Variants in DTWD1 observed in about 807,000 individuals in gnomAD.
DTWD1 encodes tRNA-uridine aminocarboxypropyltransferase 1.
In DTWD1, 27 loss-of-function variants were observed where a neutral mutation model predicts 30.2. That is an observed-to-expected ratio of 0.90 (90% CI 0.66 to 1.23). The LOEUF (loss-of-function observed/expected upper bound fraction) is 1.23, where lower values mean the gene tolerates loss of function less well. DTWD1 is among the 50% of genes most tolerant of loss of function. DTWD1 has a pLI of 0.00. For missense variants in DTWD1, 342 were observed against 348.8 expected, an observed-to-expected ratio of 0.98 and a Z score of 0.15; for synonymous variants, 99 against 113.1, an observed-to-expected ratio of 0.88 and a Z score of 0.79.
chr15:49,641,496 ATAT>A (rs112232880), intron 4 of DTWD1, among the ~76,000 whole-genome samples: 1,665 of 152,034 alleles, frequency 0.011, 31 homozygotes, highest in African/African-American at 0.039. Flanking sequence ...TACAAATTAG[ATAT>A]TATTATTGTT....
At chr15:49,634,921 TTC>T (rs900624265) in intron 4 of DTWD1, 127 bp downstream of exon 4, 14 of 839,250 alleles carry the variant, frequency 1.7e-5, no homozygotes, top group Admixed American at 1.2e-4. Context: ...TTTACTTTAT[TTC>T]TCTCTTTTTA....
In DTWD1 at chr15:49,653,649, A is replaced by C. The variant is rs1397876039; in HGVS notation, c.*10071A>C. 6.6e-6 allele frequency: 1 copy of C among 152,160 alleles called. No homozygotes were observed. Among genetic ancestry groups the C allele is most frequent in the Admixed American group, 6.6e-5 (1 of 15,258 alleles). The allele number at this position is 152,160 out of a possible 1,614,324, so 9.4% of individuals were successfully genotyped here. On this transcript the variant is annotated 3_prime_UTR_variant, in exon 5 of 5. Coordinates refer to ENST00000403028, the MANE Select transcript of DTWD1 (RefSeq NM_001144955.2). ...TGAGTTATGCATTGACAGAATGCTT[A>C]GCAATAATTTTGCTTGTCTTAATGT...
intron 3 of DTWD1, chr15:49,633,701 G>T (rs1467820665): frequency 4.7e-6 from 1 of 211,074 alleles, no homozygotes; most frequent in Non-Finnish European, 9.8e-6. Context: ...TTAAAAATTT[G>T]TGTGCTCATT....
intron 4 of DTWD1, among the ~76,000 whole-genome samples, chr15:49,640,116 T>C (rs2079049093): frequency 6.6e-6 from 1 of 152,170 alleles, no homozygotes; most frequent in South Asian, 2.1e-4. Flanking sequence ...CCCCTGACAG[T>C]TATTTTCCTG....
At position 49,643,361 on chromosome 15, in the gene DTWD1, A is replaced by C; in HGVS notation, c.698A>C (p.Lys233Thr). ...GLLQVELKTR[K>T]TCFWRHQKGK... ...TTACAAGTTGAGTTGAAAACAAGAA[A>C]AACTTGCTTTTGGCGCCATCAAAAA... Residue 233 changes from lysine to threonine, a missense_variant, in exon 5 of 5, where the codon AAA (lysine) becomes ACA (threonine). Physicochemically the swap from Lys to Thr is moderately conservative, Grantham distance 78. Coordinates refer to ENST00000403028, the MANE Select transcript of DTWD1 (RefSeq NM_001144955.2). 6.4e-7 allele frequency: 1 copy of C among 1,563,356 alleles called. No homozygotes were observed. Among genetic ancestry groups the C allele is most frequent in the Non-Finnish European group, 8.6e-7 (1 of 1,163,920 alleles).
At chr15:49,623,774 A>G (rs1165864675) in intron 1 of DTWD1, 1 of 152,200 alleles carries the variant, frequency 6.6e-6, no homozygotes, top group Non-Finnish European at 1.5e-5. Context: ...GCATGATCAC[A>G]AAGATCAAAG....
Position 49,646,587 on chromosome 15 carries a change from T to C in DTWD1, c.*3009T>C, listed in dbSNP as rs903538702. 6.6e-6 allele frequency: 1 copy of C among 152,282 alleles called. No homozygotes were observed. Among genetic ancestry groups the C allele is most frequent in the Non-Finnish European group, 1.5e-5 (1 of 68,112 alleles). 9.4% of individuals were successfully genotyped at this position (152,282 alleles called of 1,614,324 possible). On this transcript the variant is annotated 3_prime_UTR_variant, in exon 5 of 5. Coordinates refer to ENST00000403028, the MANE Select transcript of DTWD1 (RefSeq NM_001144955.2). ...TCTGGTAGGTTTGTGAAGTTAACTGTCTGAAAAACTTGGATCAATGGACTA... is the reference window on the plus strand; with the variant it reads ...TCTGGTAGGTTTGTGAAGTTAACTGCCTGAAAAACTTGGATCAATGGACTA...
chr15:49,641,364 A>G (rs2079062843), intron 4 of DTWD1, among the ~76,000 whole-genome samples: 1 of 152,014 alleles, frequency 6.6e-6, no homozygotes, highest in South Asian at 2.1e-4. Flanking sequence ...AAGCCAAACA[A>G]TGTTTAACCT....
intron 4 of DTWD1, among the ~76,000 whole-genome samples, chr15:49,640,508 A>C (rs2079053574): frequency 6.6e-6 from 1 of 152,128 alleles, no homozygotes; most frequent in African/African-American, 2.4e-5. Context: ...GGATAATGCC[A>C]AATTGTTTTT....
chr15:49,629,947 A>T (rs1395841367), intron 2 of DTWD1: 2 of 152,176 alleles, frequency 1.3e-5, no homozygotes, highest in African/African-American at 4.8e-5. Flanking sequence ...TCCCCAACAT[A>T]ATTGTCCAGG....
chr15:49,635,694 A>G (rs1309612551), intron 4 of DTWD1, among the ~76,000 whole-genome samples: 3 of 151,706 alleles, frequency 2.0e-5, no homozygotes, highest in South Asian at 2.1e-4. Context: ...GGGTTTCACC[A>G]TATTGGCCAG....
intron 3 of DTWD1, 61 bp downstream of exon 3, chr15:49,632,363 T>A (rs555625731): frequency 6.8e-7 from 1 of 1,478,522 alleles, no homozygotes; most frequent in Admixed American, 2.5e-5. Flanking sequence ...TTAACCTCCA[T>A]TGCCTTTCTG....
In DTWD1 at chr15:49,625,515, T is replaced by C. The variant is rs1818752438; in HGVS notation, c.264+84T>C. ...TGTATACCTACTCTAATTGATAAAC[T>C]TAATAAATAATGTTATTATTGTTAG... is the stretch of plus-strand genomic sequence containing the variant. On this transcript the variant is annotated intron_variant, in intron 2 of 4. Coordinates refer to ENST00000403028, the MANE Select transcript of DTWD1 (RefSeq NM_001144955.2). 2.4e-6 allele frequency: 3 copies of C among 1,243,530 alleles called. No homozygotes were observed. The Admixed American group carries it at 8.2e-5, about 34-fold the overall frequency. The allele number at this position is 1,243,530 out of a possible 1,614,324, so 77.0% of individuals were successfully genotyped here.
At chr15:49,632,730 C>T (rs917096403) in intron 3 of DTWD1, among the ~76,000 whole-genome samples, 9 of 152,144 alleles carry the variant, frequency 5.9e-5, no homozygotes, top group African/African-American at 2.2e-4. Flanking sequence ...AAATTAAGAG[C>T]TTTAGTGCAT....
rs138657426 is a variant in DTWD1 at position 49,647,587 on chromosome 15, A to T, written c.*4009A>T. On this transcript the variant is annotated 3_prime_UTR_variant, in exon 5 of 5. Transcript: ENST00000403028. ...CCATGTTACTGGAAGCATTAATTAT[A>T]GCAACTTTTTATCTCCAAATACTGA... The T allele has an allele frequency of 1.3e-5, 2 of 152,168 alleles. No homozygotes were observed. Among genetic ancestry groups the T allele is most frequent in the Non-Finnish European group, 1.5e-5 (1 of 68,026 alleles). The allele number at this position is 152,168 out of a possible 1,614,324, so 9.4% of individuals were successfully genotyped here.
At chr15:49,626,814 A>G (rs967352485) in intron 2 of DTWD1, 1 of 430,160 alleles carries the variant, frequency 2.3e-6, no homozygotes, top group Non-Finnish European at 4.8e-6. Flanking sequence ...GGCTAATGGA[A>G]AGTTTACTAG....
rs961718881 is a variant in DTWD1, at chr15:49,654,192, A to C, written c.*10614A>C. Reference sequence around the variant, plus strand: ...AGTTTATTGTATCTGGACATGGTTTAGATGATAAGATTCTGAACTTAAACT... The same window carrying C: ...AGTTTATTGTATCTGGACATGGTTTCGATGATAAGATTCTGAACTTAAACT... On this transcript the variant is annotated 3_prime_UTR_variant, in exon 5 of 5. Transcript: ENST00000403028. 4 of 152,226 alleles carry C rather than the reference A, an allele frequency of 2.6e-5. No homozygotes were observed. Among genetic ancestry groups the C allele is most frequent in the African/African-American group, 9.6e-5 (4 of 41,582 alleles). The allele number at this position is 152,226 out of a possible 1,614,324, so 9.4% of individuals were successfully genotyped here.
chr15:49,633,049 C>CTATATCTATATCTATATATATATATCTA (rs774517463), intron 3 of DTWD1, among the ~76,000 whole-genome samples: 1 of 117,342 alleles, frequency 8.5e-6, no homozygotes, highest in African/African-American at 3.3e-5. Context: ...ATATCTATAT[C>CTATATCTATATCTATATATATATATCTA]TATATATATA....
chr15:49,633,037 T>TTATATC (rs1555588541), intron 3 of DTWD1, among the ~76,000 whole-genome samples: 4 of 76,758 alleles, frequency 5.2e-5, no homozygotes, highest in East Asian at 2.5e-4. Flanking sequence ...ACTTTCCTAT[T>TTATATC]TATATCTATA....
Sources: gnomAD v4.1 joint callset for allele counts (sites outside exome capture counted in the v4.1 genomes callset) on GRCh38, gnomAD v4.1.1 for gene constraint, MANE v1.5 for transcripts, NCBI Gene and HGNC (gene_info 2026-07-23, HGNC 2026-07-21) for gene names.